Variants in NPNT observed in about 807,000 individuals in gnomAD.
NPNT encodes the protein nephronectin.
In NPNT, 45 loss-of-function variants were observed where a neutral mutation model predicts 68.6. That is an observed-to-expected ratio of 0.66 (90% CI 0.52 to 0.84). The LOEUF (loss-of-function observed/expected upper bound fraction) is 0.84. Ranked by LOEUF, NPNT falls within the 40% of genes least tolerant of loss-of-function variation. The probability of loss-of-function intolerance (pLI) is 0.00; values close to 1 mark genes in which losing one functional copy is unlikely to be tolerated. For synonymous variants in NPNT, 233 were observed against 253.3 expected (o/e 0.92, Z 0.76); for missense variants, 672 against 714.8 (o/e 0.94, Z 0.68).
chr4:105,948,738 A>G (rs1489234874), intron 8 of NPNT, among the ~76,000 whole-genome samples: 3 of 152,066 alleles, frequency 2.0e-5, no homozygotes, highest in African/African-American at 7.2e-5. Context: ...CTCCTGCCTC[A>G]GCCTCCCAAG....
chr4:105,928,053 A>T (rs1728823500), intron 3 of NPNT, among the ~76,000 whole-genome samples: 1 of 152,214 alleles, frequency 6.6e-6, no homozygotes, highest in Admixed American at 6.5e-5. Context: ...GAAGTAGAGC[A>T]TTATTTATTA....
At chr4:105,936,580 C>A (rs1029931151) in intron 3 of NPNT, among the ~76,000 whole-genome samples, 4 of 152,184 alleles carry the variant, frequency 2.6e-5, no homozygotes, top group South Asian at 2.1e-4. Flanking sequence ...GTAATATGTT[C>A]TTTAAACAGA....
intron 3 of NPNT, among the ~76,000 whole-genome samples, chr4:105,936,032 A>G (rs1362267178): frequency 6.6e-6 from 1 of 152,204 alleles, no homozygotes; most frequent in Non-Finnish European, 1.5e-5. Context: ...TTTCTTTTTA[A>G]TGAAGCATAT....
chr4:105,949,996 C>G (rs567384026), intron 8 of NPNT, among the ~76,000 whole-genome samples: 173 of 152,254 alleles, frequency 1.1e-3, no homozygotes, highest in African/African-American at 4.0e-3. Context: ...TCGTTGATAA[C>G]AGTAATTCAT....
intron 11 of NPNT, among the ~76,000 whole-genome samples, chr4:105,968,631 C>A (rs1326519682): frequency 6.6e-6 from 1 of 152,176 alleles, no homozygotes; most frequent in African/African-American, 2.4e-5. Flanking sequence ...TATAAACAAT[C>A]CTAAATCGAA....
chr4:105,941,511 T>A (rs1052034294), intron 7 of NPNT, among the ~76,000 whole-genome samples: 1 of 152,178 alleles, frequency 6.6e-6, no homozygotes, highest in Non-Finnish European at 1.5e-5. Flanking sequence ...TAACAGAAGA[T>A]AATTTTTTAA....
At chr4:105,956,184 C>A (rs1731210173) in intron 8 of NPNT, among the ~76,000 whole-genome samples, 1 of 152,068 alleles carries the variant, frequency 6.6e-6, no homozygotes, top group African/African-American at 2.4e-5. Flanking sequence ...TTCTCTTCAA[C>A]CTCATCCCAT....
chr4:105,923,446 T>C (rs1428879532), intron 2 of NPNT, among the ~76,000 whole-genome samples: 1 of 152,208 alleles, frequency 6.6e-6, no homozygotes, highest in African/African-American at 2.4e-5. Flanking sequence ...ACCTTTGCTG[T>C]CTTGATAATA....
In NPNT at chr4:105,942,444, T is replaced by C. The variant is rs770276744; in HGVS notation, c.901T>C (p.Tyr301His). ...GSTWWPPKTP[Y>H]IPPIITNRPT... Reference sequence around the variant, plus strand: ...TACTTGGTGGCCTCCGAAGACACCATATATTCCTCCTATCATTACCAACAG... The same window carrying C: ...TACTTGGTGGCCTCCGAAGACACCACATATTCCTCCTATCATTACCAACAG... Residue 301 changes from tyrosine (Y) to histidine (H), a missense_variant, in exon 8 of 12, where the codon TAT (tyrosine) becomes CAT (histidine). Transcript: ENST00000379987. 5 of 1,613,884 alleles carry C rather than the reference T, an allele frequency of 3.1e-6. No individual in the cohort carries two copies. Among genetic ancestry groups the C allele is most frequent in the Non-Finnish European group, 4.2e-6 (5 of 1,179,936 alleles).
chr4:105,955,082 A>G (rs1560537515), intron 8 of NPNT, among the ~76,000 whole-genome samples: 2 of 152,222 alleles, frequency 1.3e-5, no homozygotes, highest in Admixed American at 6.5e-5. Flanking sequence ...TATTGCTAGC[A>G]CTTCTCTGAT....
intron 11 of NPNT, among the ~76,000 whole-genome samples, chr4:105,967,709 G>C (rs913720953): frequency 2.6e-5 from 4 of 151,842 alleles, no homozygotes; most frequent in African/African-American, 9.7e-5. Context: ...AAAAATCTAG[G>C]AATAGAAAAG....
At chr4:105,956,914 A>G (rs1731273407) in intron 8 of NPNT, among the ~76,000 whole-genome samples, 1 of 152,210 alleles carries the variant, frequency 6.6e-6, no homozygotes, top group African/African-American at 2.4e-5. Flanking sequence ...TTTGAAACAA[A>G]AAGGAAAAAA....
intron 8 of NPNT, 31 bp downstream of exon 8, chr4:105,942,733 A>G (rs764411762): frequency 2.4e-5 from 38 of 1,559,006 alleles, no homozygotes; most frequent in South Asian, 2.0e-4. Flanking sequence ...CACATTTTCA[A>G]TAGGCTCTTT....
Position 105,942,354 on chromosome 4 carries a change from A to C in NPNT, c.811A>C (p.Lys271Gln), listed in dbSNP as rs1261231137. 1 of 1,612,236 alleles carries C rather than the reference A, an allele frequency of 6.2e-7. No homozygotes were observed. Residue 271 changes from lysine (K) to glutamine (Q), a missense_variant, in exon 8 of 12, where the codon AAG becomes CAG. Coordinates refer to ENST00000379987, the MANE Select transcript of NPNT (RefSeq NM_001033047.3). Reference protein sequence around the residue: ...IEPSGPIHVPKGNGTILKGDT... With the variant: ...IEPSGPIHVPQGNGTILKGDT... ...ACCTTCAGGTCCAATTCATGTACCAAAGGGAAATGGTACCATTTTAAAGGG... is the reference window on the plus strand; with the variant it reads ...ACCTTCAGGTCCAATTCATGTACCACAGGGAAATGGTACCATTTTAAAGGG...
At chr4:105,931,560 C>G (rs1485923249) in intron 3 of NPNT, among the ~76,000 whole-genome samples, 1 of 151,440 alleles carries the variant, frequency 6.6e-6, no homozygotes, top group Non-Finnish European at 1.5e-5. Flanking sequence ...CGCCGTGGCT[C>G]TACCCTGTAA....
intron 2 of NPNT, among the ~76,000 whole-genome samples, chr4:105,898,300 CTCTCTCTCTCTGTCTCTCTCTCTCTCTG>C (rs1462029265): frequency 9.5e-5 from 12 of 126,794 alleles, no homozygotes; most frequent in African/African-American, 4.8e-4. Context: ...TTCTCTCTCT[CTCTCTCTCTCTGTCTCTCTCTCTCTCTG>C]TCTCTCTCTC....
At chr4:105,933,689 C>T (rs765238842) in intron 3 of NPNT, among the ~76,000 whole-genome samples, 8 of 152,090 alleles carry the variant, frequency 5.3e-5, no homozygotes, top group Non-Finnish European at 7.4e-5. Context: ...AGTTATCTCC[C>T]GATTTTTCAA....
At chr4:105,908,678 C>G (rs1393292764) in intron 2 of NPNT, among the ~76,000 whole-genome samples, 1 of 151,968 alleles carries the variant, frequency 6.6e-6, no homozygotes, top group African/African-American at 2.4e-5. Context: ...ATTCTCCTGC[C>G]TCAGCCTCCC....
intron 2 of NPNT, among the ~76,000 whole-genome samples, chr4:105,905,220 C>T (rs1403270083): frequency 6.6e-6 from 1 of 151,942 alleles, no homozygotes; most frequent in Non-Finnish European, 1.5e-5. Context: ...TTTGTAGTGT[C>T]CTTAAAACCA....
Sources: gnomAD v4.1 joint callset for allele counts (sites outside exome capture counted in the v4.1 genomes callset) on GRCh38, gnomAD v4.1.1 for gene constraint, MANE v1.5 for transcripts, NCBI Gene and HGNC (gene_info 2026-07-23, HGNC 2026-07-21) for gene names.